DMXL1: variants seen among roughly 807,000 people sequenced by gnomAD.
DMXL1 encodes the protein dmX-like protein 1.
In DMXL1, 99 loss-of-function variants were observed where a neutral mutation model predicts 319.2. The observed-to-expected ratio is 0.31, with a 90% CI of 0.26 to 0.37. The LOEUF (loss-of-function observed/expected upper bound fraction) is 0.37. Among genes scored for constraint, DMXL1 ranks in the 10% least tolerant of loss-of-function variants. The probability of loss-of-function intolerance (pLI) is 1.00; values close to 1 mark genes in which losing one functional copy is unlikely to be tolerated. For synonymous variants in DMXL1, 1,385 were observed against 1,235.2 expected, an observed-to-expected ratio of 1.12 and a Z score of -2.54; for missense variants, 3,745 against 3,595.6, an observed-to-expected ratio of 1.04 and a Z score of -1.06.
intron 2 of DMXL1, among the ~76,000 whole-genome samples, chr5:119,099,425 G>A (rs114096319): frequency 0.045 from 6,820 of 152,090 alleles, 217 homozygotes; most frequent in Non-Finnish European, 0.057. Context: ...TGGTAAGTCT[G>A]GTTTCAATCT....
intron 26 of DMXL1, among the ~76,000 whole-genome samples, chr5:119,176,235 G>T (rs1238133886): frequency 1.3e-5 from 2 of 151,994 alleles, no homozygotes; most frequent in African/African-American, 2.4e-5. Context: ...ATTATTTTGA[G>T]TATGGAGTAC....
chr5:119,118,824 A>G lies in DMXL1; in HGVS notation c.753A>G (p.Val251=), dbSNP rs763705818. 3.1e-6 allele frequency: 5 copies of G among 1,604,620 alleles called. No individual in the cohort carries two copies. The highest frequency in any genetic ancestry group is 4.2e-6 in the Non-Finnish European group (5 of 1,177,306). Residue 251 remains valine, a synonymous_variant, in exon 8 of 44, where the codon GTA becomes GTG. Transcript: ENST00000539542. ...TCTTTTCATTCCTTAGGGCTTCTGT[A>G]TGTAATGTACTGTTGACTTGCTGCA... is the stretch of plus-strand genomic sequence containing the variant. ...KTSKYMPRAS[V]CNVLLTCCKD...
chr5:119,157,524 T>C (rs1771365234), intron 19 of DMXL1, among the ~76,000 whole-genome samples: 1 of 152,258 alleles, frequency 6.6e-6, no homozygotes. Context: ...TGGTCCAATT[T>C]CATTCTTCTG....
At chr5:119,080,206 G>T (rs964897384) in intron 1 of DMXL1, among the ~76,000 whole-genome samples, 1 of 152,124 alleles carries the variant, frequency 6.6e-6, no homozygotes, top group Admixed American at 6.6e-5. Flanking sequence ...AATTAGCCAG[G>T]TGTGGTGGTG....
intron 25 of DMXL1, 151 bp from the exon 26 acceptor site, chr5:119,175,110 T>C (rs1775543395): frequency 3.7e-6 from 2 of 534,228 alleles, no homozygotes; most frequent in Non-Finnish European, 6.6e-6. Flanking sequence ...TAGATAAAAA[T>C]GAGTGTTGTA....
At chr5:119,081,412 A>G (rs1419469219) in intron 1 of DMXL1, among the ~76,000 whole-genome samples, 1 of 152,214 alleles carries the variant, frequency 6.6e-6, no homozygotes, top group Non-Finnish European at 1.5e-5. Context: ...GGCATTGTTT[A>G]TTGGTAGCTA....
In DMXL1 at chr5:119,103,475, A is replaced by G. The variant is rs114879870; in HGVS notation, c.285+1469A>G. Among the ~76,000 whole-genome samples the G allele has an allele frequency of 4.5e-3, 679 of 152,344 alleles. 6 individuals are homozygous for G. The highest frequency in any genetic ancestry group is 0.016 in the African/African-American group (667 of 41,582). On this transcript the variant is annotated intron_variant, in intron 3 of 43. Transcript: ENST00000539542. ...GCTCAAAGAATATAGTGACTTGACA[A>G]GTGAAGCAGCTGTTAAGCCACAGAA...
At chr5:119,077,634 CT>C (rs1051388359) in intron 1 of DMXL1, among the ~76,000 whole-genome samples, 1,711 of 70,688 alleles carry the variant, frequency 0.024, 35 homozygotes, top group African/African-American at 0.063. Flanking sequence ...CCATTCCTGG[CT>C]TTTTTTTTTT....
At chr5:119,120,912 A>G in intron 8 of DMXL1, 59 bp from the exon 9 acceptor site, 1 of 1,313,640 alleles carries the variant, frequency 7.6e-7, no homozygotes, top group African/African-American at 1.5e-5. Flanking sequence ...ATCATTATAT[A>G]ACCTATACGT....
chr5:119,242,067 G>C (rs574675349), intron 42 of DMXL1, among the ~76,000 whole-genome samples: 1 of 152,124 alleles, frequency 6.6e-6, no homozygotes. Flanking sequence ...TGTAATTTGT[G>C]TATATTTTAT....
chr5:119,221,744 A>G (rs914033596), intron 37 of DMXL1, among the ~76,000 whole-genome samples: 5 of 151,840 alleles, frequency 3.3e-5, no homozygotes, highest in Non-Finnish European at 5.9e-5. Flanking sequence ...AACTATATCC[A>G]TATTAAGTAT....
chr5:119,213,524 T>TA (rs1448766175), intron 34 of DMXL1, among the ~76,000 whole-genome samples: 1 of 152,214 alleles, frequency 6.6e-6, no homozygotes, highest in African/African-American at 2.4e-5. Flanking sequence ...GTTTTGCCTT[T>TA]AAAAAATACT....
chr5:119,095,505 T>C (rs1677178889), intron 1 of DMXL1, among the ~76,000 whole-genome samples: 1 of 152,212 alleles, frequency 6.6e-6, no homozygotes, highest in South Asian at 2.1e-4. Context: ...ACTTGCAACG[T>C]AATATCTGAA....
chr5:119,132,099 CTCAT>C (rs1765030716), intron 10 of DMXL1, among the ~76,000 whole-genome samples: 3 of 152,150 alleles, frequency 2.0e-5, no homozygotes. Flanking sequence ...TAAATAGAAT[CTCAT>C]TCATATTTGA....
chr5:119,221,388 A>G (rs1784624033), intron 37 of DMXL1, among the ~76,000 whole-genome samples: 1 of 152,180 alleles, frequency 6.6e-6, no homozygotes, highest in African/African-American at 2.4e-5. Flanking sequence ...ATTACCCATG[A>G]CCTGTTTTTA....
chr5:119,074,673 G>C (rs1021881298), intron 1 of DMXL1, among the ~76,000 whole-genome samples: 10 of 152,192 alleles, frequency 6.6e-5, no homozygotes, highest in Non-Finnish European at 1.5e-4. Flanking sequence ...TTTGCTCTTA[G>C]TAAGAAAACC....
At chr5:119,106,673 A>C (rs1176858961) in intron 4 of DMXL1, among the ~76,000 whole-genome samples, 1 of 152,202 alleles carries the variant, frequency 6.6e-6, no homozygotes. Flanking sequence ...GTCTGCTAGC[A>C]GTGAGTTAGA....
intron 21 of DMXL1, 132 bp downstream of exon 21, chr5:119,165,412 AAG>A (rs1773212351): frequency 7.3e-6 from 4 of 544,878 alleles, no homozygotes; most frequent in East Asian, 3.1e-5. Flanking sequence ...TTATATTTAA[AAG>A]AGAGATTTCG....
intron 32 of DMXL1, among the ~76,000 whole-genome samples, chr5:119,198,431 T>G (rs896663608): frequency 6.6e-6 from 1 of 152,234 alleles, no homozygotes; most frequent in African/African-American, 2.4e-5. Flanking sequence ...TAAACTTTAT[T>G]TCTTAAAATG....
Sources: gnomAD v4.1 joint callset for allele counts (sites outside exome capture counted in the v4.1 genomes callset) on GRCh38, gnomAD v4.1.1 for gene constraint, MANE v1.5 for transcripts, NCBI Gene and HGNC (gene_info 2026-07-23, HGNC 2026-07-21) for gene names.